Variants in COL4A5 observed in about 807,000 individuals in gnomAD.
COL4A5 encodes collagen alpha-5(IV) chain.
Under a neutral mutation model 130.2 loss-of-function variants are expected in COL4A5, and 26 were observed. The observed-to-expected ratio is 0.20, with a 90% CI of 0.15 to 0.28. The LOEUF is 0.28. Among genes scored for constraint, COL4A5 ranks in the 10% least tolerant of loss-of-function variants. COL4A5 has a pLI of 1.00. For missense variants in COL4A5, 1,131 were observed against 1,344.3 expected, an observed-to-expected ratio of 0.84 and a Z score of 2.48; for synonymous variants, 496 against 439.6, an observed-to-expected ratio of 1.13 and a Z score of -1.60.
chrX:108,556,478 C>A (rs927210870), intron 2 of COL4A5, among the ~76,000 whole-genome samples: 20 of 107,637 alleles, frequency 1.9e-4, no homozygotes, highest in Admixed American at 4.9e-4. Context: ...AGTGTAATAC[C>A]AGTATTTAAA....
At chrX:108,614,583 A>G (rs1466406668) in intron 29 of COL4A5, among the ~76,000 whole-genome samples, 2 of 112,029 alleles carry the variant, frequency 1.8e-5, no homozygotes, top group Admixed American at 1.9e-4. Context: ...TATCTATCTT[A>G]AAATATAGGT....
intron 35 of COL4A5, 67 bp downstream of exon 35, chrX:108,625,861 T>C: frequency 1.2e-6 from 1 of 833,504 alleles, no homozygotes. Context: ...TCTCTTTTTT[T>C]GTCAGAAAAG....
chrX:108,680,783 A>G (rs989903613), intron 45 of COL4A5, 32 bp downstream of exon 45: 1 of 1,186,885 alleles, frequency 8.4e-7, no homozygotes, highest in African/African-American at 1.7e-5. Context: ...GTTTCCCTTT[A>G]TATTAAACTC....
At chrX:108,465,052 G>A (rs2064691545) in intron 1 of COL4A5, among the ~76,000 whole-genome samples, 2 of 111,745 alleles carry the variant, frequency 1.8e-5, no homozygotes, top group Non-Finnish European at 3.8e-5. Flanking sequence ...TTTCTTCCCA[G>A]TAAATCTTTC....
intron 20 of COL4A5, 104 bp from the exon 21 acceptor site, chrX:108,591,457 A>T: frequency 1.4e-6 from 1 of 722,904 alleles, no homozygotes; most frequent in Non-Finnish European, 2.2e-6. Context: ...AGGTACTTTT[A>T]TTTCTTCAGA....
chrX:108,493,807 GAAAAA>G (rs5903326), intron 1 of COL4A5, among the ~76,000 whole-genome samples: 1 of 86,741 alleles, frequency 1.2e-5, no homozygotes, highest in Non-Finnish European at 2.3e-5. Flanking sequence ...AATCTAAAAA[GAAAAA>G]AAAAAAAAAA....
chrX:108,670,129 G>T, intron 41 of COL4A5, 99 bp from the exon 42 acceptor site: 6 of 905,355 alleles, frequency 6.6e-6, no homozygotes, highest in Non-Finnish European at 6.4e-6. Context: ...AGTATTTAGT[G>T]TAATGCTTTT....
chrX:108,517,929 C>A (rs1052514641), intron 1 of COL4A5, among the ~76,000 whole-genome samples: 2 of 110,475 alleles, frequency 1.8e-5, no homozygotes, highest in African/African-American at 6.6e-5. Context: ...TTGTTTATTT[C>A]TCTTATTGTC....
rs747288279 is a variant in COL4A5 at position 108,606,845 on chromosome X, C to T, written c.2348C>T (p.Pro783Leu). The T allele has an allele frequency of 7.4e-5, 90 of 1,208,811 alleles. No individual in the cohort carries two copies. Among genetic ancestry groups the T allele is most frequent in the Middle Eastern group, 6.9e-4 (3 of 4,370 alleles). ...GGTGATCGTGGTTTCCCAGGACCTC[C>T]GGGTCCTCCAGGACGCACTGGCTTA... ...PKGDRGFPGP[P>L]GPPGRTGLDG... The change falls in exon 29 of 53, where the codon CCG (proline) becomes CTG (leucine). Residue 783 changes from proline to leucine, a missense_variant. Transcript: ENST00000328300.
At chrX:108,643,945 T>G (rs772906300) in intron 36 of COL4A5, among the ~76,000 whole-genome samples, 33 of 111,913 alleles carry the variant, frequency 2.9e-4, no homozygotes, top group African/African-American at 1.0e-3. Flanking sequence ...GATATAGAAC[T>G]ACAGAATGGA....
intron 10 of COL4A5, among the ~76,000 whole-genome samples, chrX:108,576,541 C>G (rs2066153252): frequency 8.9e-6 from 1 of 111,835 alleles, no homozygotes; most frequent in South Asian, 3.7e-4. Context: ...CTAGTAAATT[C>G]TAAGTATTTT....
chrX:108,532,102 C>A (rs1488520871), intron 1 of COL4A5, among the ~76,000 whole-genome samples: 2 of 111,359 alleles, frequency 1.8e-5, no homozygotes, highest in Non-Finnish European at 3.8e-5. Flanking sequence ...ACAGCATCAC[C>A]CTGATATGAA....
At chrX:108,656,405 GTTGATGGAC>G (rs2067843314) in intron 37 of COL4A5, among the ~76,000 whole-genome samples, 1 of 111,931 alleles carries the variant, frequency 8.9e-6, no homozygotes, top group African/African-American at 3.2e-5. Context: ...ACATTCCCCT[GTTGATGGAC>G]TTTTGGGTTG....
intron 36 of COL4A5, among the ~76,000 whole-genome samples, chrX:108,635,619 C>T (rs554403497): frequency 9.0e-6 from 1 of 111,728 alleles, no homozygotes; most frequent in East Asian, 2.8e-4. Context: ...TCAAAGAAAT[C>T]TTGAGAAGAA....
At chrX:108,650,506 C>A (rs757693813) in intron 36 of COL4A5, among the ~76,000 whole-genome samples, 53 of 111,639 alleles carry the variant, frequency 4.7e-4, no homozygotes, top group African/African-American at 1.6e-3. Flanking sequence ...TTTGCAGTTG[C>A]AAAATTATGG....
rs758911292 is a variant in COL4A5, at chrX:108,595,619, G to C, written c.1516+18G>C. The stretch of plus-strand genomic sequence containing the variant: ...TCCTCCAGGTAAATTATGCCTCAGG[G>C]TAACCTTCTAAATATTTTTTGGCTA... On this transcript the variant is annotated intron_variant, in intron 22 of 52. Coordinates refer to ENST00000328300, the MANE Select transcript of COL4A5 (RefSeq NM_033380.3). 6.8e-6 allele frequency: 8 copies of C among 1,178,293 alleles called. No homozygotes were observed. Among genetic ancestry groups the C allele is most frequent in the Non-Finnish European group, 8.1e-6 (7 of 866,323 alleles).
At chrX:108,444,454 C>T (rs1211681400) in intron 1 of COL4A5, among the ~76,000 whole-genome samples, 6 of 111,396 alleles carry the variant, frequency 5.4e-5, no homozygotes, top group African/African-American at 9.8e-5. Context: ...CTCCTGACCT[C>T]GTGATCCACC....
At position 108,580,695 on chromosome X, in the gene COL4A5, G is replaced by T. The variant is rs754378369; in HGVS notation, c.848G>T (p.Gly283Val). ...GIRGPPGPPG[G>V]EKGEKGEQGE... ...TTATGTGTACAGGGTCCCCCAGGTG[G>T]TGAGAAAGGTGAGAAGGGTGAGCAA... Residue 283 changes from glycine to valine, a missense_variant, in exon 15 of 53, where the codon GGT (glycine) becomes GTT (valine). Physicochemically the swap from Gly to Val is moderately radical, Grantham distance 109 (BLOSUM62 -3). Coordinates refer to ENST00000328300, the MANE Select transcript of COL4A5 (RefSeq NM_033380.3). 1 of 1,210,375 alleles carries T rather than the reference G, an allele frequency of 8.3e-7. No homozygotes were observed. The highest frequency in any genetic ancestry group is 1.8e-5 in the South Asian group (1 of 56,955).
intron 1 of COL4A5, among the ~76,000 whole-genome samples, chrX:108,507,996 C>T (rs1187956010): frequency 9.0e-6 from 1 of 111,276 alleles, no homozygotes; most frequent in Non-Finnish European, 1.9e-5. Flanking sequence ...GATGCTCTCT[C>T]TCGCCACTTC....
Sources: allele counts gnomAD v4.1 joint callset (sites outside exome capture counted in the v4.1 genomes callset), GRCh38; gene constraint gnomAD v4.1.1; transcripts MANE v1.5; gene names NCBI Gene and HGNC (gene_info 2026-07-23, HGNC 2026-07-21).